Variants in HDAC4 observed in about 807,000 individuals in gnomAD.
HDAC4 encodes the protein histone deacetylase A.
HDAC4 carries 16 observed loss-of-function variants against 135.1 expected under a neutral mutation model. That is an observed-to-expected ratio of 0.12 (90% CI 0.08 to 0.18). HDAC4 has a LOEUF of 0.18. Ranked by LOEUF, HDAC4 falls within the 10% of genes least tolerant of loss-of-function variation. HDAC4 has a pLI of 1.00. For synonymous variants in HDAC4, 685 were observed against 653.4 expected, an observed-to-expected ratio of 1.05 and a Z score of -0.74; for missense variants, 1,143 against 1,511.8, an observed-to-expected ratio of 0.76 and a Z score of 4.05.
chr2:239,216,186 G>T (rs913805457), intron 3 of HDAC4, among the ~76,000 whole-genome samples: 1 of 108,500 alleles, frequency 9.2e-6, no homozygotes, highest in Non-Finnish European at 2.2e-5. Flanking sequence ...AAAAACGCAC[G>T]TGTTTATATA....
chr2:239,077,649 G>A (rs2034899851), intron 22 of HDAC4, among the ~76,000 whole-genome samples: 1 of 152,212 alleles, frequency 6.6e-6, no homozygotes, highest in Non-Finnish European at 1.5e-5. Context: ...AAAAGAAGGT[G>A]GCACGGTCTG....
intron 1 of HDAC4, among the ~76,000 whole-genome samples, chr2:239,376,511 A>C (rs931796101): frequency 1.3e-5 from 2 of 152,174 alleles, no homozygotes; most frequent in African/African-American, 4.8e-5. Flanking sequence ...TGGGACACAG[A>C]CTCTGTCGAC....
intron 2 of HDAC4, among the ~76,000 whole-genome samples, chr2:239,269,330 C>T (rs2049932761): frequency 6.7e-6 from 1 of 148,778 alleles, no homozygotes; most frequent in Non-Finnish European, 1.5e-5. Context: ...CATTCACACA[C>T]CCACATACAT....
chr2:239,144,162 A>G (rs2041597987), intron 8 of HDAC4, among the ~76,000 whole-genome samples: 1 of 152,164 alleles, frequency 6.6e-6, no homozygotes, highest in South Asian at 2.1e-4. Context: ...TGGCGTGGGA[A>G]GACGTTAAAA....
At chr2:239,368,591 C>T (rs75176208) in intron 1 of HDAC4, among the ~76,000 whole-genome samples, 3 of 152,114 alleles carry the variant, frequency 2.0e-5, no homozygotes, top group African/African-American at 4.8e-5. Context: ...GAAGGGCCTC[C>T]GTCCTGAGGA....
chr2:239,191,193 C>T, intron 3 of HDAC4: 5 of 345,950 alleles, frequency 1.4e-5, no homozygotes, highest in South Asian at 1.1e-4. Flanking sequence ...AGGAGGGTCT[C>T]AAGCTCAGAG....
At chr2:239,151,226 C>A (rs2042098208) in intron 7 of HDAC4, among the ~76,000 whole-genome samples, 1 of 152,250 alleles carries the variant, frequency 6.6e-6, no homozygotes. Context: ...AGCCATGAGC[C>A]TATTGATGAG....
chr2:239,222,209 G>C (rs1368427625), intron 3 of HDAC4, among the ~76,000 whole-genome samples: 2 of 152,152 alleles, frequency 1.3e-5, no homozygotes, highest in African/African-American at 4.8e-5. Context: ...CCTGGGTGCT[G>C]GCCGTACCAG....
At chr2:239,194,982 C>A (rs1382091871) in intron 3 of HDAC4, among the ~76,000 whole-genome samples, 2 of 152,194 alleles carry the variant, frequency 1.3e-5, no homozygotes, top group Non-Finnish European at 2.9e-5. Context: ...TGGAAGAGTG[C>A]GGGTCCCCTG....
At chr2:239,275,603 C>G (rs374013220) in intron 2 of HDAC4, among the ~76,000 whole-genome samples, 1 of 152,178 alleles carries the variant, frequency 6.6e-6, no homozygotes, top group Non-Finnish European at 1.5e-5. Context: ...CAGCAGCCAC[C>G]GCCCCTGCCT....
intron 2 of HDAC4, among the ~76,000 whole-genome samples, chr2:239,243,518 G>A (rs372744637): frequency 1.9e-4 from 29 of 152,194 alleles, no homozygotes; most frequent in South Asian, 6.2e-4. Flanking sequence ...CAATGAAACC[G>A]CTGTGACTCA....
intron 11 of HDAC4, 45 bp downstream of exon 11, chr2:239,134,200 G>C (rs747273209): frequency 6.6e-7 from 1 of 1,526,160 alleles, no homozygotes; most frequent in South Asian, 1.1e-5. Flanking sequence ...TCCAGAGCGT[G>C]GGCAGCCTCA....
At chr2:239,066,148 G>A (rs771878663) in intron 24 of HDAC4, among the ~76,000 whole-genome samples, 27 of 152,124 alleles carry the variant, frequency 1.8e-4, no homozygotes, top group Non-Finnish European at 3.7e-4. Flanking sequence ...CCGAGCCCGT[G>A]GAACATTCTT....
chr2:239,067,350 C>G (rs1202499702), intron 23 of HDAC4, among the ~76,000 whole-genome samples: 1 of 152,182 alleles, frequency 6.6e-6, no homozygotes, highest in Non-Finnish European at 1.5e-5. Flanking sequence ...TCACTCACCC[C>G]AGGAGGGAAT....
chr2:239,120,401 A>ACAGAC (rs1553622806), intron 12 of HDAC4, among the ~76,000 whole-genome samples: 1 of 127,666 alleles, frequency 7.8e-6, no homozygotes, highest in South Asian at 2.6e-4. Flanking sequence ...AGACGCACAC[A>ACAGAC]GACACACACA....
In HDAC4 at chr2:239,309,131, C is replaced by T. The variant is rs1414569133; in HGVS notation, c.22+43547G>A. The T allele has an allele frequency of 1.1e-4, 16 of 152,178 alleles. No individual in the cohort carries two copies. Among genetic ancestry groups the T allele is most frequent in the Non-Finnish European group, 4.4e-5 (3 of 68,038 alleles). The allele number at this position is 152,178 out of a possible 1,614,324, so 9.4% of individuals were successfully genotyped here. A position where few individuals can be genotyped will look rare whatever the true frequency, so the allele number is the denominator to read the frequency against. ...TTAATCCCGGAAACTGCTCCAAAGG[C>T]GTTTTTCTCAGGGCGTTCGGCGCCG... On this transcript the variant is annotated intron_variant, in intron 2 of 26. Coordinates refer to ENST00000543185, the MANE Select transcript of HDAC4 (RefSeq NM_001378414.1). This position sits in a 1 kb window ranked among gnomAD's most constrained non-coding sequence, Gnocchi z 4.2.
At chr2:239,053,180 G>T in intron 26 of HDAC4, 44 bp from the exon 27 acceptor site, 1 of 1,610,254 alleles carries the variant, frequency 6.2e-7, no homozygotes, top group East Asian at 2.2e-5. Context: ...TGGGGCAGGT[G>T]CACCACAGAG....
chr2:239,230,813 CCT>C (rs1303353622), intron 3 of HDAC4, among the ~76,000 whole-genome samples: 1 of 152,206 alleles, frequency 6.6e-6, no homozygotes, highest in African/African-American at 2.4e-5. Context: ...CGAAGCTTCC[CCT>C]GAGGTCACAC....
rs2152980153 is a variant in HDAC4 at position 239,167,264 on chromosome 2, A to C, written c.491-3341T>G. 6.6e-6 allele frequency among the ~76,000 whole-genome samples: 1 copy of C among 151,856 alleles called. No homozygotes were observed. Among genetic ancestry groups the C allele is most frequent in the South Asian group, 2.1e-4 (1 of 4,778 alleles). On this transcript the variant is annotated intron_variant, in intron 5 of 26. Transcript: ENST00000543185. The surrounding 1 kb of genome is among the most constrained non-coding windows in gnomAD (Gnocchi z 4.1). ...TGGCCCTCCACGGGGGAGGGTGCGC[A>C]CTCCAGGAACAGGACCCACTTTATG...
Sources: gnomAD v4.1 joint callset for allele counts (sites outside exome capture counted in the v4.1 genomes callset) on GRCh38, gnomAD v4.1.1 for gene constraint, Gnocchi (gnomAD v3.1) non-coding constraint, MANE v1.5 for transcripts, NCBI Gene and HGNC (gene_info 2026-07-23, HGNC 2026-07-21) for gene names.